GBP2: variants seen among roughly 807,000 people sequenced by gnomAD.
GBP2 encodes the protein guanylate-binding protein 2.
GBP2 carries 54 observed loss-of-function variants against 60.8 expected under a neutral mutation model. The observed-to-expected ratio is 0.89, with a 90% CI of 0.71 to 1.11. The LOEUF (loss-of-function observed/expected upper bound fraction) is 1.11. Among genes scored for constraint, GBP2 ranks in the 50% most tolerant of loss-of-function variants. The pLI is 0.00. For synonymous variants in GBP2, 243 were observed against 256.5 expected (o/e 0.95, Z 0.50); for missense variants, 665 against 703.3 (o/e 0.95, Z 0.62).
intron 1 of GBP2, among the ~76,000 whole-genome samples, chr1:89,122,761 A>C (rs1681427815): frequency 6.6e-6 from 1 of 152,214 alleles, no homozygotes. Flanking sequence ...AAGACTATGC[A>C]AATAAAGATT....
chr1:89,112,286 T>A (rs921649578), intron 8 of GBP2, among the ~76,000 whole-genome samples, 186 bp downstream of exon 8: 2 of 152,232 alleles, frequency 1.3e-5, no homozygotes, highest in Non-Finnish European at 2.9e-5. Context: ...TTTTGAGGGC[T>A]ACATCTGTGC....
At chr1:89,110,036 A>G in intron 9 of GBP2, 128 bp downstream of exon 9, 1 of 939,730 alleles carries the variant, frequency 1.1e-6, no homozygotes, top group East Asian at 2.5e-5. Flanking sequence ...TAGTTAAGAA[A>G]ACTCTCATAG....
intron 10 of GBP2, among the ~76,000 whole-genome samples, chr1:89,109,402 T>C (rs1489726218): frequency 2.0e-5 from 3 of 152,170 alleles, no homozygotes; most frequent in Non-Finnish European, 4.4e-5. Flanking sequence ...TCCTCTACCA[T>C]TAAAGGAAAA....
chr1:89,123,721 G>C (rs1039582588), intron 1 of GBP2, among the ~76,000 whole-genome samples: 3 of 152,132 alleles, frequency 2.0e-5, no homozygotes, highest in Admixed American at 1.3e-4. Context: ...AATATAGTTA[G>C]GTTCATTTGT....
In GBP2 at chr1:89,112,528, G is replaced by C. The variant is rs778592823; in HGVS notation, c.1306C>G (p.Gln436Glu). The C allele has an allele frequency of 1.2e-6, 2 of 1,614,132 alleles. No individual in the cohort carries two copies. Among genetic ancestry groups the C allele is most frequent in the South Asian group, 2.2e-5 (2 of 91,068 alleles). ...SKPGGYRLFTQKLQELKNKYY... is the reference protein window; with the variant it reads ...SKPGGYRLFTEKLQELKNKYY... ...TTATTCTTCAGCTCCTGCAGCTTCT[G>C]AGTAAAGAGACGGTAACCTCCTGGT... is the stretch of plus-strand genomic sequence containing the variant. The change falls in exon 8 of 11, where the codon CAG (glutamine) becomes GAG (glutamate). Residue 436 changes from glutamine (Q) to glutamate (E), a missense_variant. By Grantham distance (29) the Gln-to-Glu change is conservative. Transcript: ENST00000370466.
chr1:89,122,697 A>T (rs10922573), intron 1 of GBP2, among the ~76,000 whole-genome samples: 1 of 151,934 alleles, frequency 6.6e-6, no homozygotes, highest in Non-Finnish European at 1.5e-5. Context: ...TCTCTACCAC[A>T]AAGTGTTATG....
chr1:89,109,885 T>C lies in GBP2; in HGVS notation c.1466-15A>G, dbSNP rs1310680315. On this transcript the variant is annotated splice_polypyrimidine_tract_variant and intron_variant, in intron 9 of 10. Transcript: ENST00000370466. ...TATACGTTCCACTGTGGAAGAAAAA[T>C]AAGCAGAAAAAGATATGAATATTCA... 1.2e-6 allele frequency: 2 copies of C among 1,601,630 alleles called. No homozygotes were observed. Among genetic ancestry groups the C allele is most frequent in the East Asian group, 2.2e-5 (1 of 44,806 alleles).
chr1:89,114,763 G>C (rs1383308381), intron 6 of GBP2, among the ~76,000 whole-genome samples: 4 of 152,270 alleles, frequency 2.6e-5, no homozygotes, highest in South Asian at 4.1e-4. Context: ...AACTCATCGA[G>C]TTTGCCAGGG....
chr1:89,116,115 T>G (rs1036461024), intron 6 of GBP2, among the ~76,000 whole-genome samples: 1 of 151,998 alleles, frequency 6.6e-6, no homozygotes, highest in African/African-American at 2.4e-5. Context: ...CAGGCTCAAG[T>G]GATCCTTCAG....
Position 89,109,889 on chromosome 1 carries a change from C to T in GBP2, c.1466-19G>A, listed in dbSNP as rs761750850. 4.4e-6 allele frequency: 7 copies of T among 1,597,522 alleles called. No individual in the cohort carries two copies. In the South Asian group the frequency reaches 6.7e-5, roughly 15 times the overall value. ...CGTTCCACTGTGGAAGAAAAATAAG[C>T]AGAAAAAGATATGAATATTCAATTG... On this transcript the variant is annotated intron_variant, in intron 9 of 10. Coordinates refer to ENST00000370466, the MANE Select transcript of GBP2 (RefSeq NM_004120.5).
chr1:89,112,425 C>T, intron 8 of GBP2, 47 bp downstream of exon 8: 1 of 1,536,186 alleles, frequency 6.5e-7, no homozygotes, highest in Non-Finnish European at 9.0e-7. Context: ...GCTTTAAAAG[C>T]ATCCCCTCAG....
chr1:89,116,262 C>T (rs946917674), intron 6 of GBP2, among the ~76,000 whole-genome samples: 1 of 152,152 alleles, frequency 6.6e-6, no homozygotes, highest in African/African-American at 2.4e-5. Context: ...GATTCACCCA[C>T]CTCAGCCCCC....
intron 10 of GBP2, 59 bp downstream of exon 10, chr1:89,109,618 A>G (rs1172532572): frequency 4.0e-6 from 6 of 1,511,056 alleles, no homozygotes; most frequent in Non-Finnish European, 5.5e-6. Context: ...TCTCAACCTT[A>G]TACTTCATTT....
chr1:89,111,404 A>G (rs1169877665), intron 8 of GBP2, among the ~76,000 whole-genome samples: 1 of 152,180 alleles, frequency 6.6e-6, no homozygotes, highest in African/African-American at 2.4e-5. Context: ...TATTTGGAAA[A>G]ATCTAAAGAT....
rs1681220812 is a variant in GBP2, at chr1:89,114,108, C to T, written c.1057G>A (p.Asp353Asn). The stretch of plus-strand genomic sequence containing the variant: ...TCTCTCTCACTGTCCCTGTGCAGGT[C>T]CAGCAGCTCCTGGAGGGTTTCCGTG... ...LPTETLQELL[D>N]LHRDSEREAI... Residue 353 changes from aspartate (D) to asparagine (N), a missense_variant, in exon 7 of 11, where the codon GAC (aspartate) becomes AAC (asparagine). By Grantham distance (23) the Asp-to-Asn change is conservative. Coordinates refer to ENST00000370466, the MANE Select transcript of GBP2 (RefSeq NM_004120.5). 6.2e-7 allele frequency: 1 copy of T among 1,614,078 alleles called. No individual in the cohort carries two copies.
intron 1 of GBP2, among the ~76,000 whole-genome samples, chr1:89,123,706 T>C (rs747799404): frequency 5.3e-5 from 8 of 152,242 alleles, no homozygotes; most frequent in Non-Finnish European, 1.2e-4. Flanking sequence ...AAATTATTTA[T>C]TTGTAATATA....
At chr1:89,108,338 C>T in intron 10 of GBP2, 47 bp from the exon 11 acceptor site, 2 of 1,235,856 alleles carry the variant, frequency 1.6e-6, no homozygotes, top group Non-Finnish European at 2.4e-6. Flanking sequence ...AACACATTTC[C>T]ACCAGATTAG....
rs1681055369 is a variant in GBP2 at position 89,106,482 on chromosome 1, A to G, written c.*1693T>C. 6.6e-6 allele frequency: 1 copy of G among 152,244 alleles called. No homozygotes were observed. Among genetic ancestry groups the G allele is most frequent in the Non-Finnish European group, 1.5e-5 (1 of 68,046 alleles). The allele number at this position is 152,244 out of a possible 1,614,324, so 9.4% of individuals were successfully genotyped here. ...AAGAATAACTTAAAGAATATTAACA[A>G]AGTGCATGACATGAAACAACAGTGG... is the stretch of plus-strand genomic sequence containing the variant. On this transcript the variant is annotated 3_prime_UTR_variant, in exon 11 of 11. Transcript: ENST00000370466.
At position 89,117,681 on chromosome 1, in the gene GBP2, G is replaced by A. The variant is rs1570321111; in HGVS notation, c.521C>T (p.Pro174Leu). The A allele has an allele frequency of 1.9e-6, 3 of 1,613,914 alleles. No individual in the cohort carries two copies. The highest frequency in any genetic ancestry group is 1.3e-5 in the African/African-American group (1 of 74,902). ...ATCTCTGAGAGTCCACACAAATGCT[G>A]GAAAAAAGCTCACAAAGTCAGCTGA... is the stretch of plus-strand genomic sequence containing the variant. Reference protein sequence around the residue: ...DDSADFVSFFPAFVWTLRDFT... With the variant: ...DDSADFVSFFLAFVWTLRDFT... The change falls in exon 5 of 11, where the codon CCA becomes CTA. Residue 174 changes from proline (P) to leucine (L), a missense_variant. Transcript: ENST00000370466.
Sources: allele counts gnomAD v4.1 joint callset (sites outside exome capture counted in the v4.1 genomes callset), GRCh38; gene constraint gnomAD v4.1.1; transcripts MANE v1.5; gene names NCBI Gene and HGNC (gene_info 2026-07-23, HGNC 2026-07-21).